Variants in SEPTIN9 observed in about 807,000 individuals in gnomAD.
The protein encoded by SEPTIN9 is septin-9.
Under a neutral mutation model 56.6 loss-of-function variants are expected in SEPTIN9, and 13 were observed. The ratio of observed to expected loss-of-function variants is 0.23; its 90% confidence interval spans 0.15 to 0.37. The LOEUF is 0.37. Ranked by LOEUF, SEPTIN9 falls within the 10% of genes least tolerant of loss-of-function variation. The pLI is 1.00. For missense variants in SEPTIN9, 650 were observed against 823.1 expected, an observed-to-expected ratio of 0.79 and a Z score of 2.57; for synonymous variants, 332 against 334.1, an observed-to-expected ratio of 0.99 and a Z score of 0.07.
intron 3 of SEPTIN9, chr17:77,447,160 T>A (rs1470061084): frequency 6.0e-6 from 1 of 167,052 alleles, no homozygotes; most frequent in African/African-American, 2.4e-5. Flanking sequence ...TAAATAAACA[T>A]GAGCACGATG....
At chr17:77,305,937 T>G in intron 1 of SEPTIN9, among the ~76,000 whole-genome samples, 1 of 111,742 alleles carries the variant, frequency 8.9e-6, no homozygotes. Context: ...GATGGATGGA[T>G]GGATGATGGG....
intron 2 of SEPTIN9, among the ~76,000 whole-genome samples, chr17:77,396,469 TC>T (rs926379044): frequency 1.9e-4 from 29 of 152,240 alleles, no homozygotes; most frequent in African/African-American, 7.0e-4. Flanking sequence ...TGGCTGCGTC[TC>T]CCTCCACAGG....
chr17:77,447,136 G>A (rs932596968), intron 3 of SEPTIN9: 2 of 167,094 alleles, frequency 1.2e-5, no homozygotes, highest in Non-Finnish European at 2.9e-5. Context: ...GTGCAATTCT[G>A]TGTGACTTTA....
chr17:77,488,851 G>A lies in SEPTIN9; in HGVS notation c.1249G>A (p.Ala417Thr), dbSNP rs1220744405. 1.4e-5 allele frequency: 22 copies of A among 1,613,362 alleles called. No homozygotes were observed. Among genetic ancestry groups the A allele is most frequent in the Non-Finnish European group, 1.8e-5 (21 of 1,179,848 alleles). The stretch of plus-strand genomic sequence containing the variant: ...CCACTGCTGCCTCTACTTCATCCCC[G>A]CCACCGGCCACTCGTACGTCCCTGC... ...RVHCCLYFIP[A>T]TGHSLRPLDI... Residue 417 changes from alanine (A) to threonine (T), a missense_variant, in exon 7 of 12, where the codon GCC (alanine) becomes ACC (threonine). Ala to Thr is a moderately conservative substitution (Grantham distance 58). Coordinates refer to ENST00000427177, the MANE Select transcript of SEPTIN9 (RefSeq NM_001113491.2).
At chr17:77,352,418 C>CAAAAAT (rs2034095918) in intron 2 of SEPTIN9, among the ~76,000 whole-genome samples, 1 of 143,056 alleles carries the variant, frequency 7.0e-6, no homozygotes, top group African/African-American at 2.5e-5. Flanking sequence ...AAAACAAAAA[C>CAAAAAT]AAAAACAAAA....
chr17:77,446,902 A>T (rs376684701), intron 3 of SEPTIN9: 2 of 167,154 alleles, frequency 1.2e-5, no homozygotes, highest in East Asian at 1.9e-4. Context: ...CTTTAAATGT[A>T]TATTTTTTTA....
chr17:77,477,931 G>A (rs1392177373), intron 3 of SEPTIN9, among the ~76,000 whole-genome samples: 1 of 152,152 alleles, frequency 6.6e-6, no homozygotes, highest in Non-Finnish European at 1.5e-5. Flanking sequence ...TTGCACAACC[G>A]TGTTCGTAGC....
intron 3 of SEPTIN9, among the ~76,000 whole-genome samples, chr17:77,467,745 C>T (rs772233948): frequency 1.4e-4 from 21 of 152,356 alleles, no homozygotes; most frequent in South Asian, 1.0e-3. Context: ...GCCAGCGCGG[C>T]CGGCACAGAG....
At chr17:77,454,377 C>T (rs2038102076) in intron 3 of SEPTIN9, 21 of 985,410 alleles carry the variant, frequency 2.1e-5, no homozygotes, top group Non-Finnish European at 2.4e-5. Flanking sequence ...GGGACCTGTT[C>T]CCGGAGCTCA....
At chr17:77,299,060 C>T (rs1345295313) in intron 1 of SEPTIN9, among the ~76,000 whole-genome samples, 1 of 152,184 alleles carries the variant, frequency 6.6e-6, no homozygotes, top group South Asian at 2.1e-4. Flanking sequence ...CCATTGGCTT[C>T]GGATACTTTG....
Position 77,429,390 on chromosome 17 carries a change from C to G in SEPTIN9, c.721+26687C>G, listed in dbSNP as rs1046005882. On this transcript the variant is annotated intron_variant, in intron 3 of 11. Transcript: ENST00000427177. This position sits in a 1 kb window ranked among gnomAD's most constrained non-coding sequence, Gnocchi z 5.2. ...GCAGGTTGCAAAATGGGGACATCACCGTCCGCCTGGGCTACAGCGTGCTCG... is the reference window on the plus strand; with the variant it reads ...GCAGGTTGCAAAATGGGGACATCACGGTCCGCCTGGGCTACAGCGTGCTCG... 1 of 424,732 alleles carries G rather than the reference C, an allele frequency of 2.4e-6. No homozygotes were observed. The highest frequency in any genetic ancestry group is 2.5e-5 in the Admixed American group (1 of 39,736). The allele number at this position is 424,732 out of a possible 1,614,324, so 26.3% of individuals were successfully genotyped here.
intron 2 of SEPTIN9, among the ~76,000 whole-genome samples, chr17:77,341,398 C>T (rs1300808244): frequency 1.3e-5 from 2 of 152,228 alleles, no homozygotes; most frequent in Non-Finnish European, 2.9e-5. Flanking sequence ...GCAGTCAGAA[C>T]ATACAACGTT....
intron 2 of SEPTIN9, among the ~76,000 whole-genome samples, chr17:77,315,615 C>T (rs982127602): frequency 3.3e-5 from 5 of 152,348 alleles, no homozygotes; most frequent in East Asian, 3.9e-4. Context: ...CTACAAGATG[C>T]CCCCTGGCTG....
At chr17:77,496,439 G>C (rs985269907) in intron 10 of SEPTIN9, 18 of 152,192 alleles carry the variant, frequency 1.2e-4, no homozygotes, top group Non-Finnish European at 1.5e-5. Flanking sequence ...GTCTTTATTT[G>C]CCTTCCCTGC....
At chr17:77,497,250 A>G (rs1729133043) in intron 10 of SEPTIN9, 65 bp from the exon 11 acceptor site, 14 of 1,491,928 alleles carry the variant, frequency 9.4e-6, no homozygotes, top group Middle Eastern at 1.7e-4. Context: ...GCAGGGGGAG[A>G]GAGGTGGGGT....
chr17:77,466,071 C>T (rs1045714862), intron 3 of SEPTIN9, among the ~76,000 whole-genome samples: 3 of 141,304 alleles, frequency 2.1e-5, no homozygotes, highest in Admixed American at 6.8e-5. Flanking sequence ...CACACACACA[C>T]ACACACACAC....
Position 77,493,057 on chromosome 17 carries a change from C to G in SEPTIN9, c.1554C>G (p.Thr518=), listed in dbSNP as rs2040103613. Reference sequence around the variant, plus strand: ...GCAAGAGGATCCTTGGGAGGAAGACCAAGTGGGGTACCATCGAAGGTACTC... The same window carrying G: ...GCAAGAGGATCCTTGGGAGGAAGACGAAGTGGGGTACCATCGAAGGTACTC... ...VNGKRILGRK[T]KWGTIEVENT... Residue 518 remains threonine, a synonymous_variant, in exon 10 of 12, where the codon ACC becomes ACG. Coordinates refer to ENST00000427177, the MANE Select transcript of SEPTIN9 (RefSeq NM_001113491.2). The G allele has an allele frequency of 6.4e-7, 1 of 1,560,852 alleles. No individual in the cohort carries two copies. Among genetic ancestry groups the G allele is most frequent in the Non-Finnish European group, 8.7e-7 (1 of 1,152,822 alleles).
intron 2 of SEPTIN9, among the ~76,000 whole-genome samples, chr17:77,399,241 G>A (rs2035825255): frequency 6.6e-6 from 1 of 152,216 alleles, no homozygotes; most frequent in Non-Finnish European, 1.5e-5. Flanking sequence ...CATGGTGGGG[G>A]TGACTCCAAG....
intron 3 of SEPTIN9, among the ~76,000 whole-genome samples, chr17:77,426,274 C>T (rs1219226362): frequency 2.6e-5 from 4 of 152,050 alleles, no homozygotes; most frequent in Admixed American, 6.5e-5. Context: ...GGGTGGCCAG[C>T]GAGTCCCCTG....
Sources: allele counts gnomAD v4.1 joint callset (sites outside exome capture counted in the v4.1 genomes callset), GRCh38; gene constraint gnomAD v4.1.1; non-coding constraint Gnocchi (gnomAD v3.1); transcripts MANE v1.5; gene names NCBI Gene and HGNC (gene_info 2026-07-23, HGNC 2026-07-21).